Variants in KRT71 observed in about 807,000 individuals in gnomAD.
KRT71 encodes keratin 71.
KRT71 carries 42 observed loss-of-function variants against 46.2 expected under a neutral mutation model. That is an observed-to-expected ratio of 0.91 (90% confidence interval 0.71 to 1.18). The LOEUF is 1.18. Ranked by LOEUF, KRT71 falls within the 50% of genes most tolerant of loss-of-function variation. KRT71 has a pLI of 0.00. For missense variants in KRT71, 708 were observed against 677.9 expected (o/e 1.04, Z -0.49); for synonymous variants, 292 against 277.8 (o/e 1.05, Z -0.51).
intron 1 of KRT71, 38 bp from the exon 2 acceptor site, chr12:52,550,281 G>A: frequency 6.2e-7 from 1 of 1,610,416 alleles, no homozygotes; most frequent in East Asian, 2.2e-5. Context: ...AACCCTTGCA[G>A]TAATAGTCAC....
In KRT71 at chr12:52,546,522, G is replaced by A. The variant is rs746065105; in HGVS notation, c.1105-16C>T. 5 of 1,610,180 alleles carry A rather than the reference G, an allele frequency of 3.1e-6. No individual in the cohort carries two copies. In the African/African-American group the frequency reaches 4.0e-5, roughly 13 times the overall value. ...GGTTGGAAGCCTAAGGAAGGAATTG[G>A]TGAAGTCGAAAAATTTGGAGGAGCC... On this transcript the variant is annotated splice_polypyrimidine_tract_variant and intron_variant, in intron 6 of 8. Coordinates refer to ENST00000267119, the MANE Select transcript of KRT71 (RefSeq NM_033448.3).
intron 1 of KRT71, among the ~76,000 whole-genome samples, chr12:52,551,303 T>G (rs35919446): frequency 0.12 from 18,815 of 152,230 alleles, 1,491 homozygotes; most frequent in South Asian, 0.22. Flanking sequence ...CCCCTCCCTC[T>G]GGGCAGACCA....
rs1939107193 is a variant in KRT71, at chr12:52,548,805, T to A, written c.718-9A>T. ...TAAGCAGCATCCACATCCTGAAAGATGCCCCCACCATCCCCTGTCACTGCT... is the reference window on the plus strand; with the variant it reads ...TAAGCAGCATCCACATCCTGAAAGAAGCCCCCACCATCCCCTGTCACTGCT... On this transcript the variant is annotated splice_polypyrimidine_tract_variant and intron_variant, in intron 3 of 8. Transcript: ENST00000267119. 3 of 1,613,550 alleles carry A rather than the reference T, an allele frequency of 1.9e-6. No individual in the cohort carries two copies. Among genetic ancestry groups the A allele is most frequent in the Middle Eastern group, 1.6e-4 (1 of 6,062 alleles).
At position 52,548,817 on chromosome 12, in the gene KRT71, C is replaced by A. The variant is rs113853218; in HGVS notation, c.718-21G>T. ...ACATCCTGAAAGATGCCCCCACCAT[C>A]CCCTGTCACTGCTGGTACAGCCAAA... is the stretch of plus-strand genomic sequence containing the variant. On this transcript the variant is annotated intron_variant, in intron 3 of 8. Transcript: ENST00000267119. 2,273 of 1,608,822 alleles carry A rather than the reference C, an allele frequency of 1.4e-3. 35 individuals are homozygous for A. In the African/African-American group the frequency reaches 0.025, roughly 17 times the overall value.
In KRT71 at chr12:52,548,255, T is replaced by C; in HGVS notation, c.875A>G (p.Asn292Ser). Residue 292 changes from asparagine (N) to serine (S), a missense_variant, in exon 5 of 9, where the codon AAC becomes AGC. By Grantham distance (46) the Asn-to-Ser change is conservative (BLOSUM62 1). Coordinates refer to ENST00000267119, the MANE Select transcript of KRT71 (RefSeq NM_033448.3). ...DMSVILSMDN[N>S]RNLDLDSIID... ...GATGCTGTCCAGGTCTAGGTTCCGG[T>C]TGTTGTCCATGGACAGGATGACAGA... 1 of 1,614,186 alleles carries C rather than the reference T, an allele frequency of 6.2e-7. No individual in the cohort carries two copies. Among genetic ancestry groups the C allele is most frequent in the East Asian group, 2.2e-5 (1 of 44,884 alleles).
At chr12:52,546,151 A>C (rs1939053023) in intron 7 of KRT71, 135 bp downstream of exon 7, 2 of 922,574 alleles carry the variant, frequency 2.2e-6, no homozygotes, top group Non-Finnish European at 3.2e-6. Context: ...ATTGTTAATT[A>C]CTGTGATTAT....
At chr12:52,550,353 A>G in intron 1 of KRT71, 110 bp from the exon 2 acceptor site, 1 of 1,325,386 alleles carries the variant, frequency 7.5e-7, no homozygotes, top group Non-Finnish European at 1.0e-6. Flanking sequence ...AATAGAGCTG[A>G]AAGAGGTGGG....
chr12:52,546,307 A>T lies in KRT71; in HGVS notation c.1304T>A (p.Leu435Gln). ...LDMEIATYRK[L>Q]LESEECRMSG... ...CCACCTGCACTCCTCGCTCTCCAGT[A>T]GCTTGCGATAGGTGGCGATCTCCAT... The change falls in exon 7 of 9, where the codon CTA becomes CAA. Residue 435 changes from leucine (L) to glutamine (Q), a missense_variant. By Grantham distance (113) the Leu-to-Gln change is moderately radical. Coordinates refer to ENST00000267119, the MANE Select transcript of KRT71 (RefSeq NM_033448.3). 1 of 1,614,096 alleles carries T rather than the reference A, an allele frequency of 6.2e-7. No homozygotes were observed. Among genetic ancestry groups the T allele is most frequent in the Non-Finnish European group, 8.5e-7 (1 of 1,180,006 alleles).
At chr12:52,544,983 C>T (rs549464494) in intron 8 of KRT71, among the ~76,000 whole-genome samples, 1 of 152,298 alleles carries the variant, frequency 6.6e-6, no homozygotes, top group Non-Finnish European at 1.5e-5. Context: ...ACTCCTTGGT[C>T]CAGGTACCAA....
At position 52,552,617 on chromosome 12, in the gene KRT71, C is replaced by A; in HGVS notation, c.441+20G>T. On this transcript the variant is annotated intron_variant, in intron 1 of 8. Coordinates refer to ENST00000267119, the MANE Select transcript of KRT71 (RefSeq NM_033448.3). ...AAGAGGAGGGCTGTTCACAAGTTCC[C>A]CAGGCCCTAGAAGACCCACCTTGTC... 1 of 1,594,350 alleles carries A rather than the reference C, an allele frequency of 6.3e-7. No individual in the cohort carries two copies. The highest frequency in any genetic ancestry group is 1.7e-4 in the Middle Eastern group (1 of 5,934).
chr12:52,552,722 A>G lies in KRT71; in HGVS notation c.356T>C (p.Leu119Pro), dbSNP rs959716950. ...ACGCACTTTCTGGATCTCGGGGTCC[A>G]GCTCCACGTTGAGGGGGGCCAGGAG... ...ESLLAPLNVELDPEIQKVRAQ... is the reference protein window; with the variant it reads ...ESLLAPLNVEPDPEIQKVRAQ... Residue 119 changes from leucine (L) to proline (P), a missense_variant, in exon 1 of 9, where the codon CTG becomes CCG. By Grantham distance (98) the Leu-to-Pro change is moderately conservative (BLOSUM62 -3). Coordinates refer to ENST00000267119, the MANE Select transcript of KRT71 (RefSeq NM_033448.3). 2.5e-6 allele frequency: 4 copies of G among 1,614,026 alleles called. No homozygotes were observed. Among genetic ancestry groups the G allele is most frequent in the Non-Finnish European group, 3.4e-6 (4 of 1,179,916 alleles).
In KRT71 at chr12:52,553,055, T is replaced by A. The variant is rs746500063; in HGVS notation, c.23A>T (p.Lys8Met). ...GCCCCCCTTGGCGGCAGCTCCCGAC[T>A]TGCAGGTGAATTGGCGGCTCATGTT... is the stretch of plus-strand genomic sequence containing the variant. MSRQFTC[K>M]SGAAAKGGFS... The change falls in exon 1 of 9, where the codon AAG (lysine) becomes ATG (methionine). Residue 8 changes from lysine to methionine, a missense_variant. By Grantham distance (95) the Lys-to-Met change is moderately conservative (BLOSUM62 -1). Coordinates refer to ENST00000267119, the MANE Select transcript of KRT71 (RefSeq NM_033448.3). 1 of 1,584,920 alleles carries A rather than the reference T, an allele frequency of 6.3e-7. No individual in the cohort carries two copies. Among genetic ancestry groups the A allele is most frequent in the South Asian group, 1.1e-5 (1 of 87,254 alleles).
chr12:52,551,808 C>T (rs9325152), intron 1 of KRT71, among the ~76,000 whole-genome samples: 34,774 of 152,130 alleles, frequency 0.23, 4,140 homozygotes, highest in Admixed American at 0.3. Flanking sequence ...ATCATTTCTT[C>T]TCTGCCAGAA....
chr12:52,551,282 T>C (rs1326474139), intron 1 of KRT71, among the ~76,000 whole-genome samples: 1 of 152,196 alleles, frequency 6.6e-6, no homozygotes, highest in African/African-American at 2.4e-5. Flanking sequence ...TCCAAGCCTT[T>C]CAGCCTCCTT....
intron 7 of KRT71, among the ~76,000 whole-genome samples, 154 bp from the exon 8 acceptor site, chr12:52,545,753 A>G (rs1360243410): frequency 2.6e-5 from 4 of 152,194 alleles, no homozygotes; most frequent in Admixed American, 2.6e-4. Flanking sequence ...GAGCCTGAGA[A>G]GTTTTGGAGA....
chr12:52,544,647 C>G lies in KRT71; in HGVS notation c.1457G>C (p.Gly486Ala). 1 of 1,614,114 alleles carries G rather than the reference C, an allele frequency of 6.2e-7. No individual in the cohort carries two copies. Among genetic ancestry groups the G allele is most frequent in the Middle Eastern group, 1.6e-4 (1 of 6,062 alleles). The change falls in exon 9 of 9, where the codon GGA becomes GCA. Residue 486 changes from glycine to alanine, a missense_variant. By Grantham distance (60) the Gly-to-Ala change is moderately conservative. Transcript: ENST00000267119. ...YVANSSNCIS[G>A]VCSVRGGEGR... ...CTCCCCGCCTCTCACGCTGCACACT[C>G]CAGAGATGCAGTTGCTGCTGTTGGC... is the stretch of plus-strand genomic sequence containing the variant.
chr12:52,549,261 C>A, intron 3 of KRT71, 32 bp downstream of exon 3: 1 of 1,561,482 alleles, frequency 6.4e-7, no homozygotes, highest in Non-Finnish European at 8.8e-7. Context: ...CCCAGGCCAG[C>A]CCCCGGGACT....
chr12:52,549,974 T>C, intron 2 of KRT71, 55 bp downstream of exon 2: 1 of 1,593,460 alleles, frequency 6.3e-7, no homozygotes, highest in Non-Finnish European at 8.6e-7. Context: ...CTGCCAGGGG[T>C]CCCTTGGAGG....
At position 52,550,085 on chromosome 12, in the gene KRT71, C is replaced by T; in HGVS notation, c.600G>A (p.Val200=). ...CATTCCTCAGCTCCGAGTCCAGCCTCACCCTGTCCCCAGACAGCGTCTCCA... is the reference window on the plus strand; with the variant it reads ...CATTCCTCAGCTCCGAGTCCAGCCTTACCCTGTCCCCAGACAGCGTCTCCA... ...KQLETLSGDR[V]RLDSELRNVR... Residue 200 remains valine (V), a synonymous_variant, in exon 2 of 9, where the codon GTG becomes GTA. Coordinates refer to ENST00000267119, the MANE Select transcript of KRT71 (RefSeq NM_033448.3). 2 of 1,614,200 alleles carry T rather than the reference C, an allele frequency of 1.2e-6. No homozygotes were observed. The highest frequency in any genetic ancestry group is 2.7e-5 in the African/African-American group (2 of 75,050).
Sources: allele counts gnomAD v4.1 joint callset (sites outside exome capture counted in the v4.1 genomes callset), GRCh38; gene constraint gnomAD v4.1.1; transcripts MANE v1.5; gene names NCBI Gene and HGNC (gene_info 2026-07-23, HGNC 2026-07-21).